MRTFA: variants seen among roughly 807,000 people sequenced by gnomAD.
The protein encoded by MRTFA is myocardin-related transcription factor A.
MRTFA carries 20 observed loss-of-function variants against 83.5 expected under a neutral mutation model. The ratio of observed to expected loss-of-function variants is 0.24; its 90% CI spans 0.17 to 0.35. The LOEUF (loss-of-function observed/expected upper bound fraction) is 0.35, where lower values mean the gene tolerates loss of function less well. Ranked by LOEUF, MRTFA falls within the 10% of genes least tolerant of loss-of-function variation. MRTFA has a pLI of 1.00. For synonymous variants in MRTFA, 659 were observed against 541.2 expected, an observed-to-expected ratio of 1.22 and a Z score of -3.02; for missense variants, 1,200 against 1,224.7, an observed-to-expected ratio of 0.98 and a Z score of 0.30.
At chr22:40,558,081 T>C (rs997584224) in intron 2 of MRTFA, among the ~76,000 whole-genome samples, 6 of 150,988 alleles carry the variant, frequency 4.0e-5, no homozygotes, top group African/African-American at 9.7e-5. Context: ...CCAGCCTTTT[T>C]CTTTCTTTCT....
At chr22:40,578,553 G>A (rs908032352) in intron 2 of MRTFA, among the ~76,000 whole-genome samples, 2 of 152,120 alleles carry the variant, frequency 1.3e-5, no homozygotes, top group South Asian at 2.1e-4. Flanking sequence ...GATCACTTGA[G>A]GCCAGGAGTT....
chr22:40,414,187 C>A (rs566065993), intron 14 of MRTFA, among the ~76,000 whole-genome samples: 2 of 152,192 alleles, frequency 1.3e-5, no homozygotes, highest in Admixed American at 1.3e-4. Flanking sequence ...AAAAAACACA[C>A]AAAAAATTGG....
chr22:40,525,313 T>G (rs1415298002), intron 3 of MRTFA, among the ~76,000 whole-genome samples: 1 of 152,072 alleles, frequency 6.6e-6, no homozygotes, highest in Non-Finnish European at 1.5e-5. Context: ...ATTCCACATT[T>G]TAAAAATTAT....
At chr22:40,563,503 G>GAAAAAAAAAAA (rs55787923) in intron 2 of MRTFA, among the ~76,000 whole-genome samples, 1 of 89,920 alleles carries the variant, frequency 1.1e-5, no homozygotes, top group Non-Finnish European at 2.4e-5. Context: ...CACAGATACA[G>GAAAAAAAAAAA]AAAAAAAAAA....
At chr22:40,489,795 A>G (rs2147199507) in intron 3 of MRTFA, among the ~76,000 whole-genome samples, 1 of 152,182 alleles carries the variant, frequency 6.6e-6, no homozygotes, top group South Asian at 2.1e-4. Flanking sequence ...CCTGGCTAAC[A>G]TGGTGAAATC....
intron 6 of MRTFA, 93 bp downstream of exon 6, chr22:40,431,312 G>A: frequency 1.6e-6 from 2 of 1,223,136 alleles, no homozygotes; most frequent in South Asian, 1.2e-5. Flanking sequence ...AGAAATGGGA[G>A]AAGAAAGAGG....
At chr22:40,522,958 C>T (rs1345591491) in intron 3 of MRTFA, 1 of 152,098 alleles carries the variant, frequency 6.6e-6, no homozygotes, top group Non-Finnish European at 1.5e-5. Context: ...AGGGAGTCCA[C>T]GCTATATGAT....
chr22:40,413,137 C>CAAAAAAAA (rs35119560), intron 14 of MRTFA, among the ~76,000 whole-genome samples: 2 of 28,138 alleles, frequency 7.1e-5, no homozygotes, highest in Non-Finnish European at 1.2e-4. Context: ...CACCCTGTCT[C>CAAAAAAAA]AAAAAAAAAA....
At chr22:40,550,327 A>G (rs1273249895) in intron 3 of MRTFA, among the ~76,000 whole-genome samples, 2 of 152,190 alleles carry the variant, frequency 1.3e-5, no homozygotes, top group Admixed American at 6.5e-5. Flanking sequence ...AATAGCCAAG[A>G]CAACTTTGAA....
At chr22:40,442,274 G>T (rs1029436928) in intron 4 of MRTFA, among the ~76,000 whole-genome samples, 4 of 152,060 alleles carry the variant, frequency 2.6e-5, no homozygotes, top group African/African-American at 9.7e-5. Context: ...CTGATAATAC[G>T]CCAGAAGCTC....
chr22:40,552,409 G>A (rs1425259053), intron 2 of MRTFA, 42 bp from the exon 3 acceptor site: 1 of 396,980 alleles, frequency 2.5e-6, no homozygotes, highest in African/African-American at 2.1e-5. Context: ...ATGGTACCAT[G>A]ATAATATGGT....
intron 7 of MRTFA, among the ~76,000 whole-genome samples, chr22:40,427,965 G>C (rs2052989000): frequency 6.6e-6 from 1 of 152,144 alleles, no homozygotes; most frequent in African/African-American, 2.4e-5. Context: ...TACTGGGAGG[G>C]TGAAGGCCAG....
chr22:40,599,804 T>A (rs1371402343), intron 1 of MRTFA, among the ~76,000 whole-genome samples: 2 of 150,964 alleles, frequency 1.3e-5, no homozygotes, highest in East Asian at 3.9e-4. Context: ...GAGGCTGAGG[T>A]AGGAGGATCG....
intron 3 of MRTFA, among the ~76,000 whole-genome samples, chr22:40,505,683 A>G (rs1243023780): frequency 3.9e-5 from 6 of 152,234 alleles, no homozygotes; most frequent in Non-Finnish European, 7.3e-5. Context: ...GAGGCTTCAC[A>G]CAGCTTTCGG....
intron 3 of MRTFA, among the ~76,000 whole-genome samples, chr22:40,528,246 T>C (rs1329493695): frequency 6.6e-6 from 1 of 152,140 alleles, no homozygotes; most frequent in Non-Finnish European, 1.5e-5. Context: ...TCCTAAGATG[T>C]GAGTCATTCT....
At chr22:40,434,748 G>A (rs189092816) in intron 5 of MRTFA, among the ~76,000 whole-genome samples, 10 of 152,158 alleles carry the variant, frequency 6.6e-5, no homozygotes, top group Admixed American at 2.6e-4. Flanking sequence ...TAAAATAGCC[G>A]TGGGTCTTAA....
In MRTFA at chr22:40,552,748, T is replaced by C. The variant is rs188642826; in HGVS notation, c.-21-381A>G. On this transcript the variant is annotated intron_variant, in intron 2 of 14. Coordinates refer to ENST00000355630, the MANE Select transcript of MRTFA (RefSeq NM_020831.6). ...CTACCCAGTCTCAGGCAGTTCTTTATAGCAACGTGAGAACAGACTAATATA... is the reference window on the plus strand; with the variant it reads ...CTACCCAGTCTCAGGCAGTTCTTTACAGCAACGTGAGAACAGACTAATATA... Among the ~76,000 whole-genome samples the C allele has an allele frequency of 8.7e-4, 133 of 152,342 alleles. 1 individual carries two copies. The Middle Eastern group carries it at 0.02, about 23-fold the overall frequency.
At chr22:40,521,801 A>G (rs1188919827) in intron 3 of MRTFA, 1 of 151,194 alleles carries the variant, frequency 6.6e-6, no homozygotes, top group African/African-American at 2.4e-5. Context: ...CCCGGCCTCA[A>G]ATGAATTTTT....
At chr22:40,422,388 C>T (rs984409439) in intron 9 of MRTFA, among the ~76,000 whole-genome samples, 7 of 152,156 alleles carry the variant, frequency 4.6e-5, no homozygotes, top group African/African-American at 1.7e-4. Context: ...ACGTGGTAGG[C>T]AAAGGAAGGC....
Sources: gnomAD v4.1 joint callset for allele counts (sites outside exome capture counted in the v4.1 genomes callset) on GRCh38, gnomAD v4.1.1 for gene constraint, MANE v1.5 for transcripts, NCBI Gene and HGNC (gene_info 2026-07-23, HGNC 2026-07-21) for gene names.